Variants in AS3MT observed in about 807,000 individuals in gnomAD.
AS3MT encodes S-adenosyl-L-methionine:arsenic(III) methyltransferase.
A neutral mutation model predicts 45.3 loss-of-function variants in AS3MT; 47 were observed. The ratio of observed to expected loss-of-function variants is 1.04; its 90% CI spans 0.82 to 1.32. AS3MT has a LOEUF of 1.32. Ranked by LOEUF, AS3MT falls within the 40% of genes most tolerant of loss-of-function variation. AS3MT has a pLI of 0.00. For missense variants in AS3MT, 396 were observed against 451.1 expected, an observed-to-expected ratio of 0.88 and a Z score of 1.11; for synonymous variants, 141 against 152.8, an observed-to-expected ratio of 0.92 and a Z score of 0.57.
intron 9 of AS3MT, among the ~76,000 whole-genome samples, chr10:102,879,280 T>A (rs1015745764): frequency 6.6e-6 from 1 of 152,152 alleles, no homozygotes; most frequent in Non-Finnish European, 1.5e-5. Context: ...CACCTCAGGC[T>A]TCTGAGTAGC....
intron 3 of AS3MT, 30 bp from the exon 4 acceptor site, chr10:102,872,418 G>A: frequency 6.2e-7 from 1 of 1,611,682 alleles, no homozygotes; most frequent in Non-Finnish European, 8.5e-7. Context: ...ACAGTCTCCA[G>A]GGAAAAAATA....
intron 10 of AS3MT, among the ~76,000 whole-genome samples, chr10:102,893,260 A>G (rs61870813): frequency 6.6e-6 from 1 of 151,862 alleles, no homozygotes; most frequent in Non-Finnish European, 1.5e-5. Flanking sequence ...TATATTAAGA[A>G]ATTTTAAGGG....
intron 4 of AS3MT, 56 bp from the exon 5 acceptor site, chr10:102,873,041 A>C: frequency 1.4e-6 from 2 of 1,446,198 alleles, no homozygotes; most frequent in Non-Finnish European, 1.9e-6. Flanking sequence ...AATTTTTAGG[A>C]AAAAGTTGTG....
At chr10:102,874,989 T>C (rs570583664) in intron 6 of AS3MT, among the ~76,000 whole-genome samples, 2 of 152,362 alleles carry the variant, frequency 1.3e-5, no homozygotes, top group South Asian at 4.1e-4. Flanking sequence ...TGACTACTAA[T>C]GATTGCTTTG....
intron 6 of AS3MT, 81 bp downstream of exon 6, chr10:102,874,742 T>C: frequency 9.5e-7 from 1 of 1,057,746 alleles, no homozygotes; most frequent in Non-Finnish European, 1.4e-6. Context: ...CCCCTTGAAC[T>C]AAGAGCTCAA....
intron 6 of AS3MT, among the ~76,000 whole-genome samples, chr10:102,876,141 A>G (rs1305789997): frequency 2.0e-5 from 3 of 152,242 alleles, no homozygotes; most frequent in East Asian, 3.9e-4. Flanking sequence ...GGTTTTTGAA[A>G]TTAGCTAAAT....
chr10:102,881,948 T>C lies in AS3MT; in HGVS notation c.885+2957T>C, dbSNP rs1374004675. Among the ~76,000 whole-genome samples, 2 of 151,174 alleles carry C rather than the reference T, an allele frequency of 1.3e-5. No individual in the cohort carries two copies. The highest frequency in any genetic ancestry group is 3.0e-5 in the Non-Finnish European group (2 of 67,760). On this transcript the variant is annotated intron_variant, in intron 9 of 10. Coordinates refer to ENST00000369880, the MANE Select transcript of AS3MT (RefSeq NM_020682.4). The surrounding 1 kb of genome is among the most constrained non-coding windows in gnomAD (Gnocchi z 4.2). ...GTTGGTGAGACAGGTTTTTTTTTTT[T>C]TTCTTTTTTGAGACCAAGTCTCGCT... is the stretch of plus-strand genomic sequence containing the variant.
At chr10:102,887,286 A>T (rs1844973061) in intron 9 of AS3MT, among the ~76,000 whole-genome samples, 1 of 152,222 alleles carries the variant, frequency 6.6e-6, no homozygotes, top group Non-Finnish European at 1.5e-5. Flanking sequence ...TATTGAGCAG[A>T]ATGTCTATTC....
chr10:102,900,814 T>C lies in AS3MT; in HGVS notation c.*114T>C, dbSNP rs993455331. 3 of 789,354 alleles carry C rather than the reference T, an allele frequency of 3.8e-6. No homozygotes were observed. The highest frequency in any genetic ancestry group is 6.2e-6 in the Non-Finnish European group (3 of 482,974). The allele number at this position is 789,354 out of a possible 1,614,324, so 48.9% of individuals were successfully genotyped here. A position where few individuals can be genotyped will look rare whatever the true frequency, so the allele number is the denominator to read the frequency against. On this transcript the variant is annotated 3_prime_UTR_variant, in exon 11 of 11. Coordinates refer to ENST00000369880, the MANE Select transcript of AS3MT (RefSeq NM_020682.4). ...AAACAACAAATGGGGCCGGGCACAGTGGCTCATGCCTATAATCCCAGCACT... is the reference window on the plus strand; with the variant it reads ...AAACAACAAATGGGGCCGGGCACAGCGGCTCATGCCTATAATCCCAGCACT...
chr10:102,878,703 AG>A, intron 8 of AS3MT, 145 bp from the exon 9 acceptor site: 1 of 1,294,514 alleles, frequency 7.7e-7, no homozygotes, highest in Non-Finnish European at 1.1e-6. Flanking sequence ...GAAGTCATTC[AG>A]TAAATAGAGT....
intron 8 of AS3MT, 27 bp downstream of exon 8, chr10:102,878,537 A>G (rs762502853): frequency 1.2e-6 from 2 of 1,610,554 alleles, no homozygotes; most frequent in South Asian, 1.1e-5. Flanking sequence ...AGCAGGGACT[A>G]TTATAACTAC....
chr10:102,882,174 C>T (rs543069183), intron 9 of AS3MT, among the ~76,000 whole-genome samples: 2 of 151,912 alleles, frequency 1.3e-5, no homozygotes, highest in Non-Finnish European at 2.9e-5. Context: ...CTCCTGGCCT[C>T]GTGATCCACC....
At chr10:102,894,533 A>C (rs1236714566) in intron 10 of AS3MT, among the ~76,000 whole-genome samples, 1 of 152,198 alleles carries the variant, frequency 6.6e-6, no homozygotes, top group African/African-American at 2.4e-5. Flanking sequence ...TATCCTAAAA[A>C]ACTAGTTCAG....
intron 2 of AS3MT, 71 bp downstream of exon 2, chr10:102,869,916 C>A (rs1844648552): frequency 2.5e-6 from 4 of 1,598,272 alleles, no homozygotes; most frequent in South Asian, 2.2e-5. Flanking sequence ...GGCCCGCACC[C>A]TGTCCCCCGG....
chr10:102,873,327 C>A, intron 5 of AS3MT, 94 bp downstream of exon 5: 1 of 1,047,254 alleles, frequency 9.5e-7, no homozygotes, highest in Non-Finnish European at 1.3e-6. Flanking sequence ...GTCACCCAGG[C>A]CAGAGTGCAG....
At chr10:102,894,290 G>A (rs1845126028) in intron 10 of AS3MT, among the ~76,000 whole-genome samples, 1 of 151,914 alleles carries the variant, frequency 6.6e-6, no homozygotes, top group East Asian at 1.9e-4. Flanking sequence ...AGGCGTGGGG[G>A]CAGGCACCTG....
chr10:102,877,851 C>T (rs367810246), intron 7 of AS3MT, among the ~76,000 whole-genome samples: 1 of 144,638 alleles, frequency 6.9e-6, no homozygotes, highest in African/African-American at 2.6e-5. Flanking sequence ...TTCCCGGGTT[C>T]AAGTGATTCT....
intron 9 of AS3MT, among the ~76,000 whole-genome samples, chr10:102,880,144 G>A (rs533577124): frequency 6.6e-6 from 1 of 152,128 alleles, no homozygotes; most frequent in African/African-American, 2.4e-5. Flanking sequence ...TTGTTTAATT[G>A]TGTCAAGGAA....
intron 10 of AS3MT, among the ~76,000 whole-genome samples, chr10:102,896,068 G>A (rs1845164644): frequency 1.3e-5 from 2 of 151,554 alleles, no homozygotes; most frequent in African/African-American, 2.4e-5. Context: ...GAGCCACCGT[G>A]CCCGGCCAAT....
Sources: gnomAD v4.1 joint callset for allele counts (sites outside exome capture counted in the v4.1 genomes callset) on GRCh38, gnomAD v4.1.1 for gene constraint, Gnocchi (gnomAD v3.1) non-coding constraint, MANE v1.5 for transcripts, NCBI Gene and HGNC (gene_info 2026-07-23, HGNC 2026-07-21) for gene names.